TDP1: variants seen among roughly 807,000 people sequenced by gnomAD.
TDP1 encodes the protein tyrosyl-DNA phosphodiesterase 1, also known as tyr-DNA phosphodiesterase 1.
TDP1 carries 64 observed loss-of-function variants against 81.5 expected under a neutral mutation model. The ratio of observed to expected loss-of-function variants is 0.79; its 90% CI spans 0.64 to 0.97. The LOEUF (loss-of-function observed/expected upper bound fraction) is 0.97, where lower values mean the gene tolerates loss of function less well. Among genes scored for constraint, TDP1 ranks in the 50% least tolerant of loss-of-function variants. The probability of loss-of-function intolerance (pLI) is 0.00; values close to 1 mark genes in which losing one functional copy is unlikely to be tolerated. For missense variants in TDP1, 723 were observed against 743.8 expected (o/e 0.97, Z 0.33); for synonymous variants, 256 against 264.3 (o/e 0.97, Z 0.30).
intron 14 of TDP1, among the ~76,000 whole-genome samples, chr14:90,017,871 C>T (rs1263386152): frequency 6.6e-6 from 1 of 152,166 alleles, no homozygotes; most frequent in Non-Finnish European, 1.5e-5. Context: ...CTTTATGTCT[C>T]AACGACGTTA....
At position 89,985,122 on chromosome 14, in the gene TDP1, G is replaced by A. The variant is rs377230162; in HGVS notation, c.1053-10G>A. On this transcript the variant is annotated splice_polypyrimidine_tract_variant and intron_variant, in intron 9 of 16. Coordinates refer to ENST00000335725, the MANE Select transcript of TDP1 (RefSeq NM_018319.4). ...TATATTTTATAACTTGTGTTTTTAT[G>A]TCTTTTTAGTGTTTATCTTATTGGT... 66 of 1,600,674 alleles carry A rather than the reference G, an allele frequency of 4.1e-5. No homozygotes were observed. The African/African-American group carries it at 7.8e-4, about 19-fold the overall frequency.
intron 16 of TDP1, among the ~76,000 whole-genome samples, chr14:90,040,771 A>G (rs1298795400): frequency 6.6e-6 from 1 of 152,240 alleles, no homozygotes; most frequent in Non-Finnish European, 1.5e-5. Context: ...TGATGAGTTA[A>G]AAGAATCACA....
intron 14 of TDP1, among the ~76,000 whole-genome samples, chr14:89,998,228 G>A (rs577945913): frequency 1.8e-3 from 269 of 151,634 alleles, no homozygotes; most frequent in South Asian, 4.6e-3. Context: ...AACTTTTGTT[G>A]CCCAATGAGT....
chr14:90,005,079 G>T (rs1333502789), intron 14 of TDP1, among the ~76,000 whole-genome samples: 1 of 152,174 alleles, frequency 6.6e-6, no homozygotes, highest in Admixed American at 6.5e-5. Context: ...AGCTTTTCAA[G>T]GTCTCCCAGG....
At chr14:89,994,269 C>T (rs1362791423) in intron 14 of TDP1, among the ~76,000 whole-genome samples, 1 of 152,180 alleles carries the variant, frequency 6.6e-6, no homozygotes, top group African/African-American at 2.4e-5. Flanking sequence ...CTTACATCTT[C>T]TTGGCGAGAG....
Position 90,029,040 on chromosome 14 carries a change from A to G in TDP1, c.1645-4066A>G, listed in dbSNP as rs531021770. ...ATGTCCAAATACCAGGGTTTCTAGA[A>G]TTTGGCTCATCTTGACCCTGCCTGC... On this transcript the variant is annotated intron_variant, in intron 15 of 16. Coordinates refer to ENST00000335725, the MANE Select transcript of TDP1 (RefSeq NM_018319.4). 5.9e-5 allele frequency among the ~76,000 whole-genome samples: 9 copies of G among 152,190 alleles called. No individual in the cohort carries two copies. The East Asian group carries it at 1.7e-3, about 29-fold the overall frequency.
At chr14:90,021,201 C>T (rs1886051973) in intron 15 of TDP1, among the ~76,000 whole-genome samples, 1 of 152,196 alleles carries the variant, frequency 6.6e-6, no homozygotes, top group African/African-American at 2.4e-5. Flanking sequence ...TCTCTCTCCT[C>T]TTCTCACCAG....
At position 89,991,916 on chromosome 14, in the gene TDP1, G is replaced by T; in HGVS notation, c.1367-1G>T. On this transcript the variant is annotated splice_acceptor_variant, in intron 12 of 16. Transcript: ENST00000335725. LOFTEE classifies it high-confidence loss of function. ...TTATTGTTTTATTTTTCTTTTAAAA[G>T]CTGGGGGCTCTCTTCCCTATAGCAT... The T allele has an allele frequency of 6.2e-7, 1 of 1,606,998 alleles. No individual in the cohort carries two copies.
intron 3 of TDP1, chr14:89,965,916 A>G: frequency 1.0e-6 from 1 of 974,520 alleles, no homozygotes; most frequent in Non-Finnish European, 1.2e-6. Flanking sequence ...GAAGTTGTAG[A>G]TTTTGGTTTT....
intron 12 of TDP1, among the ~76,000 whole-genome samples, chr14:89,990,547 C>CTTTT (rs34248681): frequency 3.9e-5 from 4 of 102,366 alleles, no homozygotes; most frequent in African/African-American, 3.9e-5. Context: ...TGTATTAGCC[C>CTTTT]TTTTTTTTTT....
rs548630326 is a variant in TDP1, at chr14:90,043,514, C to T, written c.*371C>T. 1.8e-5 allele frequency: 6 copies of T among 333,558 alleles called. No homozygotes were observed. The highest frequency in any genetic ancestry group is 1.6e-4 in the South Asian group (5 of 31,216). The allele number at this position is 333,558 out of a possible 1,614,324, so 20.7% of individuals were successfully genotyped here. On this transcript the variant is annotated 3_prime_UTR_variant, in exon 17 of 17. Coordinates refer to ENST00000335725, the MANE Select transcript of TDP1 (RefSeq NM_018319.4). ...TAATGAGATATCTTGGGAATGGGAC[C>T]CAAATCTAAACACAAAATTCATTTA...
intron 13 of TDP1, chr14:89,993,171 T>C: frequency 1.0e-6 from 1 of 983,926 alleles, no homozygotes; most frequent in Non-Finnish European, 1.2e-6. Context: ...GTTGCAGTGC[T>C]TCTTGTGAAA....
rs778304225 is a variant in TDP1 at position 89,975,816 on chromosome 14, G to A, written c.791+1G>A. ...ATATTGCGTTTGGAACACACCACAC[G>A]TAAGCACTTTTTGTGAAATAGGGGA... On this transcript the variant is annotated splice_donor_variant, in intron 7 of 16. Coordinates refer to ENST00000335725, the MANE Select transcript of TDP1 (RefSeq NM_018319.4). LOFTEE classifies it high-confidence loss of function. 13 of 1,611,898 alleles carry A rather than the reference G, an allele frequency of 8.1e-6. No individual in the cohort carries two copies. The highest frequency in any genetic ancestry group is 1.1e-5 in the Non-Finnish European group (13 of 1,178,042).
At chr14:89,997,836 A>G (rs1896772303) in intron 14 of TDP1, among the ~76,000 whole-genome samples, 1 of 152,168 alleles carries the variant, frequency 6.6e-6, no homozygotes, top group Non-Finnish European at 1.5e-5. Context: ...TATTTTGGGT[A>G]TCAGATTTAA....
chr14:90,042,905 C>A lies in TDP1; in HGVS notation c.1754-165C>A, dbSNP rs571513165. The A allele has an allele frequency of 6.1e-6, 6 of 985,410 alleles. No individual in the cohort carries two copies. In the South Asian group the frequency reaches 1.9e-4, roughly 31 times the overall value. 61.0% of individuals were successfully genotyped at this position (985,410 alleles called of 1,614,324 possible). On this transcript the variant is annotated intron_variant, in intron 16 of 16. Transcript: ENST00000335725. ...CACCTAGTGTCCTAATAGGAGCCTT[C>A]GCTAAAAGCTGTTGTCTGAAGGGGG...
chr14:89,956,527 CCTTCAGCAAGAGCCCTCTCACTTCCTT>C (rs1891658693), intron 1 of TDP1, 24 bp from the exon 2 acceptor site: 1 of 152,262 alleles, frequency 6.6e-6, no homozygotes, highest in Non-Finnish European at 1.5e-5. Flanking sequence ...GTCCCCAACG[CCTTCAGCAAGAGCCCTCTCACTTCCTT>C]TGTCTTCAAC....
chr14:89,971,160 A>G lies in TDP1; in HGVS notation c.660-15A>G. 1 of 1,608,330 alleles carries G rather than the reference A, an allele frequency of 6.2e-7. No homozygotes were observed. The highest frequency in any genetic ancestry group is 1.1e-5 in the South Asian group (1 of 90,976). On this transcript the variant is annotated splice_polypyrimidine_tract_variant and intron_variant, in intron 5 of 16. Coordinates refer to ENST00000335725, the MANE Select transcript of TDP1 (RefSeq NM_018319.4). ...CATGAATGATGTATATTAAATACTAATGCTCTCTTTTTAGGAAGAAGCCAA... is the reference window on the plus strand; with the variant it reads ...CATGAATGATGTATATTAAATACTAGTGCTCTCTTTTTAGGAAGAAGCCAA...
intron 16 of TDP1, among the ~76,000 whole-genome samples, chr14:90,041,190 A>G (rs1888316988): frequency 6.6e-6 from 1 of 152,204 alleles, no homozygotes. Context: ...TAAATAACAG[A>G]AGTCCAAGCA....
intron 8 of TDP1, among the ~76,000 whole-genome samples, chr14:89,983,627 A>G (rs1596552472): frequency 6.6e-6 from 1 of 152,220 alleles, no homozygotes; most frequent in Non-Finnish European, 1.5e-5. Flanking sequence ...CCTGTAAGTC[A>G]TTGCTTTGCA....
Sources: gnomAD v4.1 joint callset for allele counts (sites outside exome capture counted in the v4.1 genomes callset) on GRCh38, gnomAD v4.1.1 for gene constraint, MANE v1.5 for transcripts, NCBI Gene and HGNC (gene_info 2026-07-23, HGNC 2026-07-21) for gene names.